NUP50: variants seen among roughly 807,000 people sequenced by gnomAD.
The protein encoded by NUP50 is nuclear pore complex protein Nup50.
Under a neutral mutation model 36.8 loss-of-function variants are expected in NUP50, and 14 were observed. That is an observed-to-expected ratio of 0.38 (90% CI 0.25 to 0.59). The LOEUF is 0.59. Among genes scored for constraint, NUP50 ranks in the 20% least tolerant of loss-of-function variants. The pLI is 0.63. For synonymous variants in NUP50, 195 were observed against 210.8 expected, an observed-to-expected ratio of 0.93 and a Z score of 0.65; for missense variants, 455 against 564.6, an observed-to-expected ratio of 0.81 and a Z score of 1.97.
chr22:45,167,931 G>T (rs1203044596), intron 1 of NUP50, among the ~76,000 whole-genome samples: 1 of 151,990 alleles, frequency 6.6e-6, no homozygotes, highest in Non-Finnish European at 1.5e-5. Context: ...CAGGACTGCT[G>T]GTGTTCCCTA....
intron 6 of NUP50, among the ~76,000 whole-genome samples, chr22:45,181,832 C>T (rs1023911109): frequency 3.3e-5 from 5 of 152,182 alleles, no homozygotes; most frequent in Admixed American, 6.5e-5. Context: ...GCACAGTAAC[C>T]GTCCCTTCCT....
chr22:45,164,417 C>T (rs1392410060), intron 1 of NUP50, 121 bp downstream of exon 1: 2 of 149,744 alleles, frequency 1.3e-5, no homozygotes, highest in Admixed American at 6.6e-5. Flanking sequence ...GAGTGCAGGG[C>T]TGGGGACTGG....
At position 45,178,755 on chromosome 22, in the gene NUP50, C is replaced by G. The variant is rs781076423; in HGVS notation, c.858C>G (p.Ser286Arg). Residue 286 changes from serine to arginine, a missense_variant, in exon 5 of 8, where the codon AGC (serine) becomes AGG (arginine). By Grantham distance (110) the Ser-to-Arg change is moderately radical. Coordinates refer to ENST00000347635, the MANE Select transcript of NUP50 (RefSeq NM_007172.4). ...ATAGCTCTGTTTTGGGCTCATTAAGCTCTGTCCCCCTGACTGGATTTTCTT... is the reference window on the plus strand; with the variant it reads ...ATAGCTCTGTTTTGGGCTCATTAAGGTCTGTCCCCCTGACTGGATTTTCTT... ...KVDSSVLGSL[S>R]SVPLTGFSFS... The G allele has an allele frequency of 4.3e-6, 7 of 1,613,842 alleles. No homozygotes were observed. The highest frequency in any genetic ancestry group is 4.0e-5 in the African/African-American group (3 of 75,006).
In NUP50 at chr22:45,187,547, GTT is replaced by G. The variant is rs953280145; in HGVS notation, c.*2897_*2898del. ...TTTTCAGTAAAAGTTAAACAAGTTTGTTTTTTGAGCATTTGTCAGTTATTCTA... is the reference window on the plus strand; with the variant it reads ...TTTTCAGTAAAAGTTAAACAAGTTTGTTTTGAGCATTTGTCAGTTATTCTA... On this transcript the variant is annotated 3_prime_UTR_variant, in exon 8 of 8. Coordinates refer to ENST00000347635, the MANE Select transcript of NUP50 (RefSeq NM_007172.4). 2.0e-5 allele frequency: 3 copies of G among 152,144 alleles called. No individual in the cohort carries two copies. The highest frequency in any genetic ancestry group is 7.2e-5 in the African/African-American group (3 of 41,432). The allele number at this position is 152,144 out of a possible 1,614,324, so 9.4% of individuals were successfully genotyped here. A position where few individuals can be genotyped will look rare whatever the true frequency, so the allele number is the denominator to read the frequency against.
At chr22:45,178,937 T>G in intron 5 of NUP50, 37 bp downstream of exon 5, 1 of 1,558,502 alleles carries the variant, frequency 6.4e-7, no homozygotes, top group Non-Finnish European at 8.7e-7. Flanking sequence ...GAGGTTTGCA[T>G]AAGATTCTTG....
Position 45,184,909 on chromosome 22 carries a change from G to A in NUP50, c.*254G>A, listed in dbSNP as rs1464971757. ...ATTTTTGGAAGATTTTTTAATGTTC[G>A]TTTATTAAACTAACCCTAAGTGATT... On this transcript the variant is annotated 3_prime_UTR_variant, in exon 8 of 8. Coordinates refer to ENST00000347635, the MANE Select transcript of NUP50 (RefSeq NM_007172.4). 7 of 502,968 alleles carry A rather than the reference G, an allele frequency of 1.4e-5. No homozygotes were observed. Among genetic ancestry groups the A allele is most frequent in the East Asian group, 7.4e-5 (2 of 26,960 alleles). 31.2% of individuals were successfully genotyped at this position (502,968 alleles called of 1,614,324 possible). A position where few individuals can be genotyped will look rare whatever the true frequency, so the allele number is the denominator to read the frequency against.
Position 45,168,231 on chromosome 22 carries a change from A to G in NUP50, c.54A>G (p.Glu18=). 1 of 1,610,998 alleles carries G rather than the reference A, an allele frequency of 6.2e-7. No homozygotes were observed. The highest frequency in any genetic ancestry group is 1.3e-5 in the African/African-American group (1 of 74,872). ...TGACAGATAGGAATTGGGATCAAGA[A>G]GATGAAGCTGAAGAGGTAAAAAGCA... ...KELTDRNWDQ[E]DEAEEVGTFS... The change falls in exon 2 of 8, where the codon GAA becomes GAG. Residue 18 remains glutamate, a synonymous_variant. Coordinates refer to ENST00000347635, the MANE Select transcript of NUP50 (RefSeq NM_007172.4).
At chr22:45,175,495 T>C (rs2074262502) in intron 3 of NUP50, among the ~76,000 whole-genome samples, 1 of 152,220 alleles carries the variant, frequency 6.6e-6, no homozygotes, top group African/African-American at 2.4e-5. Context: ...ATCATTTCTT[T>C]AGGCAGTAAA....
intron 6 of NUP50, among the ~76,000 whole-genome samples, chr22:45,183,084 GC>G (rs1417732735): frequency 3.7e-4 from 28 of 75,592 alleles, no homozygotes; most frequent in Non-Finnish European, 4.5e-4. Context: ...GGGGTTGGGG[GC>G]GGGGGGGGGG....
intron 3 of NUP50, among the ~76,000 whole-genome samples, chr22:45,172,607 C>CA (rs34626930): frequency 0.059 from 8,729 of 149,076 alleles, 666 homozygotes; most frequent in African/African-American, 0.17. Context: ...CTTTTATTTC[C>CA]AAAAAAAAAG....
intron 7 of NUP50, 123 bp from the exon 8 acceptor site, chr22:45,184,330 C>T (rs2074433694): frequency 1.1e-6 from 1 of 886,736 alleles, no homozygotes; most frequent in Non-Finnish European, 1.8e-6. Context: ...TTGTGCTGTC[C>T]TGTTGGCTCC....
At chr22:45,172,378 T>C (rs1382665707) in intron 3 of NUP50, among the ~76,000 whole-genome samples, 1 of 152,128 alleles carries the variant, frequency 6.6e-6, no homozygotes, top group Non-Finnish European at 1.5e-5. Context: ...ACATCAAGAA[T>C]AGACTATATT....
chr22:45,171,608 A>G lies in NUP50; in HGVS notation c.78A>G (p.Thr26=), dbSNP rs1156280766. Residue 26 remains threonine, a synonymous_variant, in exon 3 of 8, where the codon ACA becomes ACG. Coordinates refer to ENST00000347635, the MANE Select transcript of NUP50 (RefSeq NM_007172.4). ...TTTGTATTGTATTGCAGGTGGGAAC[A>G]TTCTCCATGGCCAGTGAGGAAGTCT... The part of the protein sequence containing the change: ...DQEDEAEEVG[T]FSMASEEVLK... 1.2e-6 allele frequency: 2 copies of G among 1,613,928 alleles called. No individual in the cohort carries two copies. The highest frequency in any genetic ancestry group is 1.7e-6 in the Non-Finnish European group (2 of 1,179,910).
intron 1 of NUP50, among the ~76,000 whole-genome samples, chr22:45,167,538 C>T (rs1454036542): frequency 6.6e-6 from 1 of 152,136 alleles, no homozygotes; most frequent in African/African-American, 2.4e-5. Context: ...GTTATAAGTT[C>T]CCAGAATACT....
At chr22:45,172,102 A>G (rs132882) in intron 3 of NUP50, 33,178 of 163,796 alleles carry the variant, frequency 0.2, 4,045 homozygotes, top group East Asian at 0.57. Context: ...AGTATAGTAT[A>G]TTAAAATGAT....
At chr22:45,183,058 A>T in intron 6 of NUP50, among the ~76,000 whole-genome samples, 1 of 114,090 alleles carries the variant, frequency 8.8e-6, no homozygotes, top group Admixed American at 1.0e-4. Flanking sequence ...CTCAGGGCCA[A>T]AGGAGCAGAA....
chr22:45,172,921 G>A (rs1601774550), intron 3 of NUP50, among the ~76,000 whole-genome samples: 3 of 152,244 alleles, frequency 2.0e-5, no homozygotes, highest in Admixed American at 2.0e-4. Context: ...AGTGTAATTC[G>A]AGGCAGAGAT....
rs1465571032 is a variant in NUP50 at position 45,185,107 on chromosome 22, C to CT, written c.*454dup. ...CGGTGGGCTCAGCCGACGTGTGAGA[C>CT]TTGTTCTGTTACCAAATGAACCGGG... On this transcript the variant is annotated 3_prime_UTR_variant, in exon 8 of 8. Transcript: ENST00000347635. 1.5e-5 allele frequency: 3 copies of CT among 195,734 alleles called. No homozygotes were observed. Among genetic ancestry groups the CT allele is most frequent in the African/African-American group, 7.1e-5 (3 of 42,112 alleles). The allele number at this position is 195,734 out of a possible 1,614,324, so 12.1% of individuals were successfully genotyped here. A position where few individuals can be genotyped will look rare whatever the true frequency, so the allele number is the denominator to read the frequency against.
chr22:45,183,589 C>A, intron 7 of NUP50, 69 bp downstream of exon 7: 1 of 968,268 alleles, frequency 1.0e-6, no homozygotes, highest in Non-Finnish European at 1.7e-6. Context: ...ACCCTGCTGA[C>A]TCAAGGTTAT....
Sources: gnomAD v4.1 joint callset for allele counts (sites outside exome capture counted in the v4.1 genomes callset) on GRCh38, gnomAD v4.1.1 for gene constraint, MANE v1.5 for transcripts, NCBI Gene and HGNC (gene_info 2026-07-23, HGNC 2026-07-21) for gene names.